Variants in DLG5 observed in about 807,000 individuals in gnomAD.
DLG5 encodes the protein discs large MAGUK scaffold protein 5.
In DLG5, 48 loss-of-function variants were observed where a neutral mutation model predicts 189.8. The ratio of observed to expected loss-of-function variants is 0.25; its 90% CI spans 0.20 to 0.32. The LOEUF is 0.32. Among genes scored for constraint, DLG5 ranks in the 10% least tolerant of loss-of-function variants. DLG5 has a pLI of 1.00. For missense variants in DLG5, 2,160 were observed against 2,544.7 expected (o/e 0.85, Z 3.25); for synonymous variants, 1,016 against 1,054.1 (o/e 0.96, Z 0.70).
chr10:77,865,436 C>A (rs1411943567), intron 2 of DLG5, among the ~76,000 whole-genome samples: 1 of 152,138 alleles, frequency 6.6e-6, no homozygotes, highest in Non-Finnish European at 1.5e-5. Flanking sequence ...ATGAGAGAAG[C>A]CCTCCAGCAA....
chr10:77,921,674 T>C (rs1376742393), intron 1 of DLG5, among the ~76,000 whole-genome samples: 2 of 152,168 alleles, frequency 1.3e-5, no homozygotes, highest in Non-Finnish European at 2.9e-5. Flanking sequence ...CCTCCCTCCA[T>C]GGCTCCATGC....
At chr10:77,859,077 T>C (rs1844371561) in intron 2 of DLG5, among the ~76,000 whole-genome samples, 1 of 152,202 alleles carries the variant, frequency 6.6e-6, no homozygotes, top group South Asian at 2.1e-4. Context: ...GGTATCGCTA[T>C]GTTGCCCAGG....
At chr10:77,893,980 C>A (rs1845685692) in intron 1 of DLG5, among the ~76,000 whole-genome samples, 1 of 152,214 alleles carries the variant, frequency 6.6e-6, no homozygotes, top group Admixed American at 6.5e-5. Context: ...AGAACCAGAG[C>A]CAGTGGACAA....
intron 1 of DLG5, among the ~76,000 whole-genome samples, chr10:77,882,462 C>A (rs1285700354): frequency 4.6e-5 from 7 of 152,156 alleles, no homozygotes; most frequent in African/African-American, 1.7e-4. Context: ...ATCTCTGTCC[C>A]CGACTCCACT....
chr10:77,923,402 G>C (rs1053477220), intron 1 of DLG5, among the ~76,000 whole-genome samples: 2 of 152,106 alleles, frequency 1.3e-5, no homozygotes, highest in African/African-American at 4.8e-5. Context: ...AATACTTCCT[G>C]GCTAAAAGAA....
In DLG5 at chr10:77,819,439, TG is replaced by T. The variant is rs1291500107; in HGVS notation, c.3552del (p.Ser1185AlafsTer4). ...SVGTVPRSLT[P>X]STTVSSILRN... Reference sequence around the variant, plus strand: ...CGCAGGATGGAGCTCACAGTGGTGCTGGGGGTCAAACTCCGGGGAACAGTGC... The same window carrying T: ...CGCAGGATGGAGCTCACAGTGGTGCTGGGGTCAAACTCCGGGGAACAGTGC... On this transcript the variant is annotated frameshift_variant, in exon 17 of 32. Coordinates refer to ENST00000372391, the MANE Select transcript of DLG5 (RefSeq NM_004747.4). LOFTEE classifies it high-confidence loss of function. 6.2e-7 allele frequency: 1 copy of T among 1,613,654 alleles called. No individual in the cohort carries two copies. Among genetic ancestry groups the T allele is most frequent in the Non-Finnish European group, 8.5e-7 (1 of 1,179,984 alleles).
chr10:77,798,548 T>C (rs1489386683), intron 27 of DLG5, among the ~76,000 whole-genome samples: 1 of 152,230 alleles, frequency 6.6e-6, no homozygotes, highest in African/African-American at 2.4e-5. Flanking sequence ...TAGTTCTTCT[T>C]ATAAACTGAT....
At chr10:77,895,442 T>A (rs780619188) in intron 1 of DLG5, among the ~76,000 whole-genome samples, 1 of 152,156 alleles carries the variant, frequency 6.6e-6, no homozygotes, top group Non-Finnish European at 1.5e-5. Context: ...CTGTTTTATG[T>A]CAAATAACCT....
chr10:77,856,163 A>G (rs138271487), intron 3 of DLG5, among the ~76,000 whole-genome samples: 118 of 152,174 alleles, frequency 7.8e-4, no homozygotes, highest in Middle Eastern at 6.8e-3. Context: ...TGGGCAAAAA[A>G]GAAAGACCCT....
At chr10:77,883,787 T>C (rs1288561178) in intron 1 of DLG5, among the ~76,000 whole-genome samples, 1 of 149,074 alleles carries the variant, frequency 6.7e-6, no homozygotes, top group Non-Finnish European at 1.5e-5. Context: ...ACCTCCCCCT[T>C]CTGGGTTCAA....
At chr10:77,812,949 G>A (rs768332224) in intron 20 of DLG5, among the ~76,000 whole-genome samples, 6 of 152,240 alleles carry the variant, frequency 3.9e-5, no homozygotes, top group African/African-American at 2.4e-5. Flanking sequence ...ACCCAAGGGC[G>A]CCGGGGCAGG....
chr10:77,918,343 G>A (rs1204575316), intron 1 of DLG5, among the ~76,000 whole-genome samples: 1 of 151,936 alleles, frequency 6.6e-6, no homozygotes, highest in Non-Finnish European at 1.5e-5. Context: ...AACTGGGGAG[G>A]CGAAGGTTGC....
upstream of DLG5, chr10:77,929,688 G>C (rs1846768701): frequency 6.6e-6 from 1 of 152,204 alleles, no homozygotes; most frequent in Admixed American, 6.5e-5. Context: ...GTGAAGAATG[G>C]CCAGCCACCA....
chr10:77,852,363 C>G (rs776286291), intron 5 of DLG5, among the ~76,000 whole-genome samples: 14 of 151,986 alleles, frequency 9.2e-5, no homozygotes, highest in Non-Finnish European at 1.9e-4. Flanking sequence ...AGAGCGAACT[C>G]TGTCTCAAAA....
chr10:77,820,827 T>C, intron 15 of DLG5: 1 of 511,672 alleles, frequency 2.0e-6, no homozygotes, highest in Non-Finnish European at 3.4e-6. Flanking sequence ...CAAAAGCTTC[T>C]TATTAAAAAA....
chr10:77,935,224 C>G, the DLG5 span, among the ~76,000 whole-genome samples: 4 of 152,122 alleles, frequency 2.6e-5, no homozygotes, highest in East Asian at 7.7e-4. Flanking sequence ...ACCAACAATC[C>G]CCAATGAGCT....
chr10:77,855,499 T>C (rs1844186695), intron 3 of DLG5, among the ~76,000 whole-genome samples: 1 of 152,242 alleles, frequency 6.6e-6, no homozygotes, highest in Non-Finnish European at 1.5e-5. Flanking sequence ...ATAGTTTCTG[T>C]TGCAACCACT....
At chr10:77,872,368 T>G (rs1157063489) in intron 1 of DLG5, among the ~76,000 whole-genome samples, 1 of 151,788 alleles carries the variant, frequency 6.6e-6, no homozygotes, top group African/African-American at 2.4e-5. Flanking sequence ...GCTGGGGGAG[T>G]CCACAGGCCA....
rs139879071 is a variant in DLG5, at chr10:77,811,955, C to T, written c.4291G>A (p.Val1431Met). ...ITILAQYNPH[V>M]HQLSSHSRSS... ...CGGGAGTGGCTGCTGAGCTGGTGCACGTGGGGGTTGTACTGGGCCAGGATG... is the reference window on the plus strand; with the variant it reads ...CGGGAGTGGCTGCTGAGCTGGTGCATGTGGGGGTTGTACTGGGCCAGGATG... Residue 1431 changes from valine (V) to methionine (M), a missense_variant, in exon 22 of 32, where the codon GTG becomes ATG. Val to Met is a conservative substitution (Grantham distance 21). Around this residue, in one of 5 missense-constraint regions of DLG5, gnomAD observed 574 missense variants for 644.2 expected, o/e 0.89. Transcript: ENST00000372391. The T allele has an allele frequency of 3.9e-5, 62 of 1,608,570 alleles. No homozygotes were observed. The highest frequency in any genetic ancestry group is 4.9e-5 in the Non-Finnish European group (58 of 1,179,918).
Sources: allele counts gnomAD v4.1 joint callset (sites outside exome capture counted in the v4.1 genomes callset), GRCh38; gene constraint gnomAD v4.1.1; regional missense constraint gnomAD v4.1.1; transcripts MANE v1.5; gene names NCBI Gene and HGNC (gene_info 2026-07-23, HGNC 2026-07-21).